Variants in TSPAN32 observed in about 807,000 individuals in gnomAD.
The protein encoded by TSPAN32 is tetraspanin-32.
In TSPAN32, 47 loss-of-function variants were observed where a neutral mutation model predicts 42.7. That is an observed-to-expected ratio of 1.10 (90% CI 0.87 to 1.40). The LOEUF (loss-of-function observed/expected upper bound fraction) is 1.40. TSPAN32 is among the 40% of genes most tolerant of loss of function. TSPAN32 has a pLI of 0.00. For missense variants in TSPAN32, 469 were observed against 424.1 expected (o/e 1.11, Z -0.93); for synonymous variants, 175 against 175.9 (o/e 0.99, Z 0.04).
intron 3 of TSPAN32, among the ~76,000 whole-genome samples, chr11:2,308,283 C>T (rs947149973): frequency 1.3e-5 from 2 of 152,076 alleles, no homozygotes; most frequent in Non-Finnish European, 1.5e-5. Context: ...CAGTGGGGAG[C>T]GGGACTCAGA....
intron 1 of TSPAN32, 140 bp downstream of exon 1, chr11:2,302,355 T>G (rs1478893791): frequency 2.3e-5 from 22 of 975,722 alleles, no homozygotes; most frequent in Non-Finnish European, 2.6e-5. Context: ...TGCAGACATG[T>G]GTCCTGCCCT....
chr11:2,311,580 G>A (rs1848463568), intron 4 of TSPAN32, among the ~76,000 whole-genome samples: 1 of 152,154 alleles, frequency 6.6e-6, no homozygotes, highest in Non-Finnish European at 1.5e-5. Context: ...AGCCAGCTCT[G>A]TACCTGTGGG....
intron 6 of TSPAN32, 55 bp from the exon 7 acceptor site, chr11:2,316,174 G>C (rs531104374): frequency 6.6e-7 from 1 of 1,514,014 alleles, no homozygotes; most frequent in Non-Finnish European, 8.9e-7. Context: ...GAGGCCGCTT[G>C]TCCAGGCAGG....
rs1848890549 is a variant in TSPAN32 at position 2,317,751 on chromosome 11, G to C, written c.902-112G>C. ...CAGGGCAGACTGCAAGACACTGGTG[G>C]CCCACGGCCTGGAGGGCTCCACCCA... On this transcript the variant is annotated intron_variant, in intron 9 of 9. Coordinates refer to ENST00000182290, the MANE Select transcript of TSPAN32 (RefSeq NM_139022.3). This position sits in a 1 kb window ranked among gnomAD's most constrained non-coding sequence, Gnocchi z 6.2. 2 of 1,527,376 alleles carry C rather than the reference G, an allele frequency of 1.3e-6. No individual in the cohort carries two copies. The highest frequency in any genetic ancestry group is 1.7e-6 in the Non-Finnish European group (2 of 1,145,762). The allele number at this position is 1,527,376 out of a possible 1,614,324, so 94.6% of individuals were successfully genotyped here.
At chr11:2,305,421 A>G (rs1315071578) in intron 3 of TSPAN32, among the ~76,000 whole-genome samples, 1 of 151,686 alleles carries the variant, frequency 6.6e-6, no homozygotes, top group Admixed American at 6.6e-5. Flanking sequence ...TGGATGGAAG[A>G]AAAGGTTGGC....
intron 1 of TSPAN32, 71 bp downstream of exon 1, chr11:2,302,286 G>A (rs1847798329): frequency 2.3e-6 from 3 of 1,323,298 alleles, no homozygotes; most frequent in Non-Finnish European, 2.9e-6. Context: ...CAGGGCCTCA[G>A]CACAGGGATT....
intron 6 of TSPAN32, chr11:2,315,160 T>TGCCCC: frequency 2.6e-5 from 17 of 646,452 alleles, no homozygotes; most frequent in Non-Finnish European, 3.5e-5. Context: ...CCGGCAGCCC[T>TGCCCC]CCCCCAGCCC....
At chr11:2,309,022 G>A (rs551598425) in intron 4 of TSPAN32, among the ~76,000 whole-genome samples, 12 of 151,678 alleles carry the variant, frequency 7.9e-5, no homozygotes, top group Non-Finnish European at 1.6e-4. Context: ...CAGCTCCCTG[G>A]TGGGGAGGGA....
At chr11:2,308,220 G>A (rs1425775670) in intron 3 of TSPAN32, among the ~76,000 whole-genome samples, 1 of 152,118 alleles carries the variant, frequency 6.6e-6, no homozygotes, top group East Asian at 1.9e-4. Flanking sequence ...AGGTGCTATG[G>A]AACCCACGCA....
At chr11:2,311,447 G>A (rs371829754) in intron 4 of TSPAN32, among the ~76,000 whole-genome samples, 6 of 152,254 alleles carry the variant, frequency 3.9e-5, no homozygotes, top group Admixed American at 1.3e-4. Context: ...AGTCTGCTTC[G>A]GGAATAATTC....
intron 6 of TSPAN32, chr11:2,315,480 G>A (rs1475645705): frequency 1.8e-6 from 2 of 1,134,308 alleles, no homozygotes; most frequent in Admixed American, 4.4e-5. Flanking sequence ...GGCCTGCCTC[G>A]AGCACCCTTG....
In TSPAN32 at chr11:2,317,776, A is replaced by G. The variant is rs910923716; in HGVS notation, c.902-87A>G. On this transcript the variant is annotated intron_variant, in intron 9 of 9. Transcript: ENST00000182290. The surrounding 1 kb of genome is among the most constrained non-coding windows in gnomAD (Gnocchi z 6.2). ...GCCCACGGCCTGGAGGGCTCCACCC[A>G]GACACAAGCTGCACTGGTTTTCTAT... 8.5e-5 allele frequency: 133 copies of G among 1,566,498 alleles called. No homozygotes were observed. The highest frequency in any genetic ancestry group is 1.1e-4 in the Non-Finnish European group (130 of 1,162,402).
Position 2,313,659 on chromosome 11 carries a change from G to C in TSPAN32, c.360G>C (p.Glu120Asp). Residue 120 changes from glutamate (E) to aspartate (D), a missense_variant, in exon 5 of 10, where the codon GAG becomes GAC. Transcript: ENST00000182290. The surrounding 1 kb of genome is among the most constrained non-coding windows in gnomAD (Gnocchi z 9.1). ...FWRLHSPTQV[E>D]DAMLDTYDLV... is the part of the protein sequence containing the mutation. ...CCTGTGGTCTCTCGGTGCAGGTGGA[G>C]GACGCCATGCTGGACACCTACGACC... The C allele has an allele frequency of 6.2e-7, 1 of 1,603,626 alleles. No homozygotes were observed. The highest frequency in any genetic ancestry group is 8.5e-7 in the Non-Finnish European group (1 of 1,175,852).
At chr11:2,314,624 C>A in intron 6 of TSPAN32, 53 bp downstream of exon 6, 2 of 1,473,416 alleles carry the variant, frequency 1.4e-6, no homozygotes, top group Non-Finnish European at 1.9e-6. Flanking sequence ...GGCTGGACAC[C>A]CTGGGGCCCA....
intron 7 of TSPAN32, 63 bp from the exon 8 acceptor site, chr11:2,316,513 C>T: frequency 1.2e-6 from 2 of 1,608,786 alleles, no homozygotes; most frequent in Non-Finnish European, 1.7e-6. Flanking sequence ...AGTCCTGATG[C>T]TTCCTGGGGA....
At chr11:2,315,533 G>C in intron 6 of TSPAN32, 1 of 1,163,628 alleles carries the variant, frequency 8.6e-7, no homozygotes, top group Non-Finnish European at 1.1e-6. Context: ...CTCCTGGGGA[G>C]CCGGAAGAGC....
chr11:2,307,195 G>A (rs1045930159), intron 3 of TSPAN32, among the ~76,000 whole-genome samples: 1 of 152,144 alleles, frequency 6.6e-6, no homozygotes, highest in East Asian at 1.9e-4. Flanking sequence ...CTGTGCTTGG[G>A]GGCCAGCAGG....
intron 6 of TSPAN32, chr11:2,315,117 A>C: frequency 1.9e-6 from 1 of 536,340 alleles, no homozygotes; most frequent in South Asian, 2.5e-5. Context: ...GGGCCCTGGG[A>C]GAGACTGGGC....
At position 2,313,319 on chromosome 11, in the gene TSPAN32, C is replaced by T. The variant is rs372703090; in HGVS notation, c.355-335C>T. ...TCCCCCATTTCCGGGTCAACAGTAG[C>T]GTGCTGGAAACTTCTGTGGGCCAAC... On this transcript the variant is annotated intron_variant, in intron 4 of 9. Coordinates refer to ENST00000182290, the MANE Select transcript of TSPAN32 (RefSeq NM_139022.3). The surrounding 1 kb of genome is among the most constrained non-coding windows in gnomAD (Gnocchi z 9.1). Among the ~76,000 whole-genome samples, 6 of 152,308 alleles carry T rather than the reference C, an allele frequency of 3.9e-5. No individual in the cohort carries two copies. The East Asian group carries it at 5.8e-4, about 15-fold the overall frequency.
Sources: allele counts gnomAD v4.1 joint callset (sites outside exome capture counted in the v4.1 genomes callset), GRCh38; gene constraint gnomAD v4.1.1; non-coding constraint Gnocchi (gnomAD v3.1); transcripts MANE v1.5; gene names NCBI Gene and HGNC (gene_info 2026-07-23, HGNC 2026-07-21).